Variants in ULK4 observed in about 807,000 individuals in gnomAD.
ULK4 encodes the protein unc-51 like kinase 4.
ULK4 carries 133 observed loss-of-function variants against 160.6 expected under a neutral mutation model. The ratio of observed to expected loss-of-function variants is 0.83; its 90% CI spans 0.72 to 0.96. ULK4 has a LOEUF of 0.96. ULK4 is among the 40% of genes least tolerant of loss of function. The probability of loss-of-function intolerance (pLI) is 0.00; values close to 1 mark genes in which losing one functional copy is unlikely to be tolerated. For missense variants in ULK4, 1,580 were observed against 1,499.5 expected (o/e 1.05, Z -0.89); for synonymous variants, 534 against 539.8 (o/e 0.99, Z 0.15).
chr3:41,338,897 A>G (rs1290420019), intron 35 of ULK4, among the ~76,000 whole-genome samples: 2 of 151,954 alleles, frequency 1.3e-5, no homozygotes, highest in Non-Finnish European at 2.9e-5. Context: ...GCAGTCAAGT[A>G]AAGAGAGTGA....
At chr3:41,660,252 G>A (rs971958142) in intron 30 of ULK4, among the ~76,000 whole-genome samples, 2 of 151,910 alleles carry the variant, frequency 1.3e-5, no homozygotes, top group African/African-American at 2.4e-5. Context: ...CCGAGATTGT[G>A]CCATTGCACA....
chr3:41,707,694 G>C (rs1005823510), intron 25 of ULK4, among the ~76,000 whole-genome samples: 1 of 152,038 alleles, frequency 6.6e-6, no homozygotes, highest in African/African-American at 2.4e-5. Context: ...GCCAAGCATG[G>C]TGGCATGCAC....
At chr3:41,724,713 ACT>A (rs570505405) in intron 22 of ULK4, among the ~76,000 whole-genome samples, 1 of 151,706 alleles carries the variant, frequency 6.6e-6, no homozygotes, top group South Asian at 2.1e-4. Flanking sequence ...ACAGAGTGAG[ACT>A]CTGTCTCAAA....
At chr3:41,361,888 G>A (rs2081153174) in intron 35 of ULK4, among the ~76,000 whole-genome samples, 1 of 152,188 alleles carries the variant, frequency 6.6e-6, no homozygotes, top group African/African-American at 2.4e-5. Context: ...AGCTTCAGCA[G>A]GCTTGTAAAA....
chr3:41,913,745 T>C (rs1269655583), intron 8 of ULK4, among the ~76,000 whole-genome samples: 4 of 152,104 alleles, frequency 2.6e-5, no homozygotes, highest in African/African-American at 9.7e-5. Context: ...GGTAGATTGC[T>C]TGAGTCCATG....
At chr3:41,720,848 A>G (rs1248301724) in intron 22 of ULK4, among the ~76,000 whole-genome samples, 1 of 152,168 alleles carries the variant, frequency 6.6e-6, no homozygotes, top group Non-Finnish European at 1.5e-5. Flanking sequence ...AAAATTAATA[A>G]TCTAGTAATT....
At chr3:41,864,360 TTTGTTTTG>T (rs1333268831) in intron 17 of ULK4, among the ~76,000 whole-genome samples, 3 of 78,896 alleles carry the variant, frequency 3.8e-5, no homozygotes, top group Non-Finnish European at 6.4e-5. Context: ...TTTGTTTTGT[TTTGTTTTG>T]TTTTGTTTTG....
chr3:41,796,433 T>C (rs2040302222), intron 20 of ULK4, among the ~76,000 whole-genome samples: 1 of 151,776 alleles, frequency 6.6e-6, no homozygotes. Context: ...TACTAAAAAC[T>C]ACAAAAAAAT....
At chr3:41,760,948 T>C (rs149514889) in intron 21 of ULK4, among the ~76,000 whole-genome samples, 15 of 152,368 alleles carry the variant, frequency 9.8e-5, no homozygotes, top group Non-Finnish European at 1.8e-4. Context: ...TGCAGTGACA[T>C]GGATGAATCT....
intron 35 of ULK4, among the ~76,000 whole-genome samples, chr3:41,388,063 A>C (rs367576142): frequency 0.012 from 1,868 of 152,274 alleles, 29 homozygotes; most frequent in South Asian, 0.064. Flanking sequence ...AATGATTGCC[A>C]TTCTAACTGG....
chr3:41,635,207 T>C (rs538577683), intron 30 of ULK4, among the ~76,000 whole-genome samples: 4 of 152,258 alleles, frequency 2.6e-5, no homozygotes, highest in African/African-American at 9.6e-5. Context: ...GTCATGATAC[T>C]AAAGTTACTA....
Position 41,842,153 on chromosome 3 carries a change from AG to A in ULK4, c.1657-6183del, listed in dbSNP as rs2041944791. Among the ~76,000 whole-genome samples, 3 of 150,050 alleles carry A rather than the reference AG, an allele frequency of 2.0e-5. No homozygotes were observed. The South Asian group carries it at 6.3e-4, about 31-fold the overall frequency. ...ATCAATAAATACAAAAAAAAAAAAA[AG>A]AAAATAACGCTGCAATGAACATGTA... is the stretch of plus-strand genomic sequence containing the variant. On this transcript the variant is annotated intron_variant, in intron 17 of 36. Transcript: ENST00000301831.
At chr3:41,510,256 G>C (rs2085525668) in intron 32 of ULK4, among the ~76,000 whole-genome samples, 1 of 152,142 alleles carries the variant, frequency 6.6e-6, no homozygotes, top group Non-Finnish European at 1.5e-5. Context: ...ATAATGATAA[G>C]AGGACTAGTA....
chr3:41,915,701 T>G (rs535848711), intron 8 of ULK4, among the ~76,000 whole-genome samples: 3 of 152,268 alleles, frequency 2.0e-5, no homozygotes, highest in African/African-American at 7.2e-5. Context: ...ATAAGAAAAT[T>G]TGTCAACTAC....
chr3:41,319,302 A>T (rs1208769554), intron 35 of ULK4, among the ~76,000 whole-genome samples: 1 of 152,136 alleles, frequency 6.6e-6, no homozygotes, highest in Non-Finnish European at 1.5e-5. Flanking sequence ...ATTTACACAC[A>T]AGATGGTCTC....
intron 30 of ULK4, among the ~76,000 whole-genome samples, chr3:41,640,590 AAC>A (rs1310868503): frequency 6.6e-6 from 1 of 152,150 alleles, no homozygotes; most frequent in Non-Finnish European, 1.5e-5. Flanking sequence ...TTCAATAGGA[AAC>A]ACACGGAGAA....
At chr3:41,469,602 C>CAAAAAAAAAAAAAAAAAAAAAAAAAAAAA (rs71616008) in intron 32 of ULK4, among the ~76,000 whole-genome samples, 4 of 11,312 alleles carry the variant, frequency 3.5e-4, no homozygotes, top group Non-Finnish European at 5.2e-4. Flanking sequence ...CTACACCTGC[C>CAAAAAAAAAAAAAAAAAAAAAAAAAAAAA]AAAAAAAAAA....
At chr3:41,434,336 T>G (rs1441365075) in intron 34 of ULK4, among the ~76,000 whole-genome samples, 1 of 152,184 alleles carries the variant, frequency 6.6e-6, no homozygotes, top group Admixed American at 6.5e-5. Flanking sequence ...GATATGGAAA[T>G]TTTGTTAAAA....
intron 32 of ULK4, among the ~76,000 whole-genome samples, chr3:41,469,703 A>C (rs2052188367): frequency 6.7e-6 from 1 of 148,318 alleles, no homozygotes; most frequent in African/African-American, 2.6e-5. Flanking sequence ...AATTACAAAG[A>C]ATCAGGAAAT....
Sources: gnomAD v4.1 joint callset for allele counts (sites outside exome capture counted in the v4.1 genomes callset) on GRCh38, gnomAD v4.1.1 for gene constraint, MANE v1.5 for transcripts, NCBI Gene and HGNC (gene_info 2026-07-23, HGNC 2026-07-21) for gene names.